The following GABRB1 variants were observed in gnomAD, a reference collection of about 807,000 sequenced individuals.
GABRB1 encodes gamma-aminobutyric acid type A receptor subunit beta1, also known as gamma-aminobutyric acid receptor subunit beta-1.
In GABRB1, 17 loss-of-function variants were observed where a neutral mutation model predicts 51.6. The ratio of observed to expected loss-of-function variants is 0.33; its 90% CI spans 0.23 to 0.49. The LOEUF is 0.49. Ranked by LOEUF, GABRB1 falls within the 20% of genes least tolerant of loss-of-function variation. The pLI is 0.99. For missense variants in GABRB1, 410 were observed against 600.6 expected, an observed-to-expected ratio of 0.68 and a Z score of 3.32; for synonymous variants, 247 against 218.9, an observed-to-expected ratio of 1.13 and a Z score of -1.14.
intron 4 of GABRB1, among the ~76,000 whole-genome samples, chr4:47,283,520 G>A (rs1723380314): frequency 6.7e-6 from 1 of 150,366 alleles, no homozygotes; most frequent in South Asian, 2.1e-4. Flanking sequence ...CGAGTAGCTG[G>A]GACTACAGGA....
chr4:47,197,058 G>A (rs533791514), intron 4 of GABRB1, among the ~76,000 whole-genome samples: 2 of 152,342 alleles, frequency 1.3e-5, no homozygotes, highest in East Asian at 3.9e-4. Context: ...AGCAGAATTA[G>A]AGCCAGGCCC....
chr4:47,231,541 C>A (rs1721143289), intron 4 of GABRB1, among the ~76,000 whole-genome samples: 1 of 152,066 alleles, frequency 6.6e-6, no homozygotes, highest in South Asian at 2.1e-4. Flanking sequence ...TTTACTGGAT[C>A]ACAGTAGGAA....
intron 3 of GABRB1, among the ~76,000 whole-genome samples, chr4:47,149,203 A>G (rs573015268): frequency 6.6e-6 from 1 of 152,222 alleles, no homozygotes; most frequent in South Asian, 2.1e-4. Context: ...TTAAATGTTC[A>G]GAAACAGACA....
intron 8 of GABRB1, among the ~76,000 whole-genome samples, chr4:47,416,705 G>A (rs1728933579): frequency 1.3e-5 from 2 of 152,054 alleles, no homozygotes; most frequent in South Asian, 4.1e-4. Context: ...GGCCACCTCA[G>A]CCTCCCAAAT....
At chr4:47,294,518 G>C (rs1044492716) in intron 4 of GABRB1, among the ~76,000 whole-genome samples, 7 of 152,248 alleles carry the variant, frequency 4.6e-5, no homozygotes, top group African/African-American at 1.7e-4. Context: ...ACAGCAGTCT[G>C]AGATCAAACT....
chr4:47,398,823 C>T (rs1026544432), intron 5 of GABRB1, among the ~76,000 whole-genome samples: 1 of 151,998 alleles, frequency 6.6e-6, no homozygotes, highest in Non-Finnish European at 1.5e-5. Context: ...CGGAGTCTCG[C>T]TCTGTCACCG....
At chr4:47,094,366 C>G (rs1326045236) in intron 3 of GABRB1, among the ~76,000 whole-genome samples, 1 of 151,524 alleles carries the variant, frequency 6.6e-6, no homozygotes, top group Non-Finnish European at 1.5e-5. Context: ...GCTGGGACTA[C>G]AGGTGCCCAC....
intron 1 of GABRB1, among the ~76,000 whole-genome samples, chr4:47,005,087 C>T (rs1272374973): frequency 2.0e-5 from 3 of 152,098 alleles, no homozygotes; most frequent in Non-Finnish European, 4.4e-5. Context: ...GGTTAATGTC[C>T]CAGATGCAGA....
chr4:47,062,300 C>CT (rs76714501), intron 3 of GABRB1, among the ~76,000 whole-genome samples: 1,413 of 136,804 alleles, frequency 0.01, 7 homozygotes, highest in South Asian at 0.019. Context: ...GAAGCAATGT[C>CT]TTTTTTTTTT....
At chr4:47,139,854 T>C (rs1716846178) in intron 3 of GABRB1, among the ~76,000 whole-genome samples, 1 of 152,028 alleles carries the variant, frequency 6.6e-6, no homozygotes, top group Non-Finnish European at 1.5e-5. Flanking sequence ...TACGTTGATG[T>C]TGTAGGTCCA....
intron 4 of GABRB1, among the ~76,000 whole-genome samples, chr4:47,260,781 A>G (rs1722401944): frequency 1.3e-5 from 2 of 152,210 alleles, no homozygotes; most frequent in South Asian, 4.1e-4. Context: ...CTTGATGAAC[A>G]TTGATGCAAA....
intron 4 of GABRB1, among the ~76,000 whole-genome samples, chr4:47,202,238 T>C (rs943919006): frequency 2.6e-5 from 4 of 152,172 alleles, no homozygotes; most frequent in Admixed American, 2.6e-4. Context: ...CTTCGCCCTC[T>C]GCTCAGCGCT....
intron 1 of GABRB1, among the ~76,000 whole-genome samples, chr4:47,013,888 TAGA>T (rs1462805242): frequency 6.6e-6 from 1 of 152,218 alleles, no homozygotes; most frequent in Non-Finnish European, 1.5e-5. Context: ...TTGCATTATG[TAGA>T]AGATTTAAAT....
At chr4:47,180,711 A>G (rs1718906839) in intron 4 of GABRB1, among the ~76,000 whole-genome samples, 1 of 152,058 alleles carries the variant, frequency 6.6e-6, no homozygotes, top group Non-Finnish European at 1.5e-5. Flanking sequence ...TGTTGCAATA[A>G]TAGCCAAGAG....
chr4:47,060,556 C>T (rs547266422), intron 3 of GABRB1, among the ~76,000 whole-genome samples: 1 of 152,130 alleles, frequency 6.6e-6, no homozygotes, highest in Non-Finnish European at 1.5e-5. Context: ...AGATAGTTTG[C>T]AGTATGATAG....
intron 4 of GABRB1, among the ~76,000 whole-genome samples, chr4:47,162,227 T>C (rs1279420827): frequency 1.3e-5 from 2 of 152,052 alleles, no homozygotes; most frequent in Non-Finnish European, 2.9e-5. Context: ...AGATTGGTGG[T>C]TAATCATTAG....
intron 5 of GABRB1, 63 bp from the exon 6 acceptor site, chr4:47,403,255 C>T: frequency 6.3e-7 from 1 of 1,583,574 alleles, no homozygotes; most frequent in Non-Finnish European, 8.6e-7. Context: ...CCTCTAGCTC[C>T]CAGATGGTAT....
chr4:47,072,919 T>C (rs545518299), intron 3 of GABRB1, among the ~76,000 whole-genome samples: 1 of 152,318 alleles, frequency 6.6e-6, no homozygotes, highest in Admixed American at 6.5e-5. Flanking sequence ...ATTGACAATG[T>C]CACCATTATT....
intron 4 of GABRB1, among the ~76,000 whole-genome samples, chr4:47,281,938 A>T (rs1319322610): frequency 6.6e-6 from 1 of 152,188 alleles, no homozygotes. Flanking sequence ...TTTCAGTTAA[A>T]CTGGGAGAAT....
Sources: allele counts gnomAD v4.1 joint callset (sites outside exome capture counted in the v4.1 genomes callset), GRCh38; gene constraint gnomAD v4.1.1; transcripts MANE v1.5; gene names NCBI Gene and HGNC (gene_info 2026-07-23, HGNC 2026-07-21).